Variants in LRRC49 observed in about 807,000 individuals in gnomAD.
LRRC49 encodes leucine-rich repeat-containing protein 49.
Under a neutral mutation model 83.3 loss-of-function variants are expected in LRRC49, and 50 were observed. That is an observed-to-expected ratio of 0.60 (90% CI 0.48 to 0.76). The LOEUF is 0.76. Ranked by LOEUF, LRRC49 falls within the 30% of genes least tolerant of loss-of-function variation. The probability of loss-of-function intolerance (pLI) is 0.00; values close to 1 mark genes in which losing one functional copy is unlikely to be tolerated. For missense variants in LRRC49, 704 were observed against 809.1 expected (o/e 0.87, Z 1.58); for synonymous variants, 286 against 283.3 (o/e 1.01, Z -0.10).
At chr15:71,034,289 G>A (rs1397891064) in intron 14 of LRRC49, among the ~76,000 whole-genome samples, 2 of 151,968 alleles carry the variant, frequency 1.3e-5, no homozygotes, top group African/African-American at 4.8e-5. Flanking sequence ...AAAAAAGGTC[G>A]ACATCACTGA....
intron 15 of LRRC49, among the ~76,000 whole-genome samples, chr15:71,040,838 A>G (rs1184791684): frequency 6.6e-6 from 1 of 151,258 alleles, no homozygotes; most frequent in Admixed American, 6.6e-5. Context: ...AAAAAAAAAA[A>G]AGGATTCAAG....
At chr15:70,873,788 T>G (rs2033099182) in intron 2 of LRRC49, among the ~76,000 whole-genome samples, 1 of 152,224 alleles carries the variant, frequency 6.6e-6, no homozygotes, top group Non-Finnish European at 1.5e-5. Flanking sequence ...TCAGTTTATA[T>G]TACCTTTACT....
chr15:71,012,050 C>G (rs1027783298), intron 13 of LRRC49, among the ~76,000 whole-genome samples: 1 of 152,094 alleles, frequency 6.6e-6, no homozygotes, highest in East Asian at 1.9e-4. Flanking sequence ...CCAGAAATAA[C>G]TAAACATGTC....
At chr15:71,034,991 AT>A in intron 14 of LRRC49, among the ~76,000 whole-genome samples, 1 of 152,282 alleles carries the variant, frequency 6.6e-6, no homozygotes, top group African/African-American at 2.4e-5. Flanking sequence ...ACCATGATAA[AT>A]GTTTCACTGT....
intron 4 of LRRC49, among the ~76,000 whole-genome samples, chr15:70,902,831 A>C (rs548781039): frequency 6.6e-6 from 1 of 152,272 alleles, no homozygotes; most frequent in African/African-American, 2.4e-5. Flanking sequence ...GGATGTAGCA[A>C]CTCAGGAGTT....
chr15:70,959,507 A>C (rs955745909), intron 8 of LRRC49, among the ~76,000 whole-genome samples: 2 of 139,884 alleles, frequency 1.4e-5, no homozygotes, highest in African/African-American at 5.3e-5. Flanking sequence ...GAAAGGAAGG[A>C]AGGAGGGAGG....
intron 5 of LRRC49, among the ~76,000 whole-genome samples, chr15:70,909,566 C>T (rs753134572): frequency 2.6e-5 from 4 of 152,090 alleles, no homozygotes; most frequent in Non-Finnish European, 5.9e-5. Flanking sequence ...CTGGGCTGGG[C>T]GCGGTGGCTC....
chr15:70,868,551 AG>A (rs2032960510), intron 1 of LRRC49, among the ~76,000 whole-genome samples: 1 of 152,222 alleles, frequency 6.6e-6, no homozygotes, highest in African/African-American at 2.4e-5. Context: ...AATCACCCAA[AG>A]GGCTTGTTGA....
At chr15:71,045,478 A>G (rs2039826854) in intron 15 of LRRC49, among the ~76,000 whole-genome samples, 1 of 152,126 alleles carries the variant, frequency 6.6e-6, no homozygotes, top group Non-Finnish European at 1.5e-5. Flanking sequence ...TTCAGCGTGC[A>G]TTTCATTAAT....
At chr15:70,957,497 A>G (rs147951724) in intron 8 of LRRC49, among the ~76,000 whole-genome samples, 12 of 152,256 alleles carry the variant, frequency 7.9e-5, no homozygotes, top group Admixed American at 7.8e-4. Context: ...TTTTTTAATC[A>G]AGGATAAGCC....
intron 11 of LRRC49, among the ~76,000 whole-genome samples, chr15:71,004,249 A>G (rs2038373008): frequency 6.6e-6 from 1 of 152,146 alleles, no homozygotes; most frequent in South Asian, 2.1e-4. Flanking sequence ...ATATTGTTCA[A>G]CCCAGCAATC....
chr15:70,994,077 T>C (rs1029842899), intron 11 of LRRC49, among the ~76,000 whole-genome samples: 1 of 152,088 alleles, frequency 6.6e-6, no homozygotes, highest in African/African-American at 2.4e-5. Flanking sequence ...GAACTCCTGA[T>C]CTCAAGTGAT....
rs2141261588 is a variant in LRRC49 at position 71,008,730 on chromosome 15, T to G, written c.1407+114T>G. The G allele has an allele frequency of 4.3e-6, 3 of 703,556 alleles. No homozygotes were observed. In the South Asian group the frequency reaches 6.4e-5, roughly 15 times the overall value. The allele number at this position is 703,556 out of a possible 1,614,324, so 43.6% of individuals were successfully genotyped here. The stretch of plus-strand genomic sequence containing the variant: ...TGTAGTTTCTATCTGGCAGGAAGAT[T>G]TAAGTTTTGTGTTGATTTTCTTGAG... On this transcript the variant is annotated intron_variant, in intron 12 of 15. Coordinates refer to ENST00000260382, the MANE Select transcript of LRRC49 (RefSeq NM_017691.5).
chr15:71,004,577 G>A (rs2141256015), intron 11 of LRRC49, among the ~76,000 whole-genome samples: 1 of 152,014 alleles, frequency 6.6e-6, no homozygotes, highest in South Asian at 2.1e-4. Context: ...TTGAATCCGG[G>A]AGGCGGAGGT....
upstream of LRRC49, among the ~76,000 whole-genome samples, chr15:70,888,831 A>C (rs1277244623): frequency 3.3e-5 from 5 of 152,218 alleles, no homozygotes; most frequent in African/African-American, 1.2e-4. Context: ...CTACCTAAAT[A>C]TCCAATTAAT....
At chr15:70,967,344 T>C (rs2036828565) in intron 9 of LRRC49, among the ~76,000 whole-genome samples, 1 of 152,086 alleles carries the variant, frequency 6.6e-6, no homozygotes, top group South Asian at 2.1e-4. Context: ...TGGATTTGCC[T>C]ATTAAGAAGA....
At chr15:70,968,221 A>T (rs1420915360) in intron 9 of LRRC49, among the ~76,000 whole-genome samples, 2 of 151,960 alleles carry the variant, frequency 1.3e-5, no homozygotes, top group African/African-American at 2.4e-5. Context: ...CCCATTATGA[A>T]TGAGAACATG....
intron 15 of LRRC49, among the ~76,000 whole-genome samples, chr15:71,037,676 T>G (rs2141299244): frequency 6.6e-6 from 1 of 152,282 alleles, no homozygotes; most frequent in East Asian, 1.9e-4. Context: ...TGTAGGTACT[T>G]AGCCACATCA....
In LRRC49 at chr15:71,031,907, C is replaced by T. The variant is rs577004125; in HGVS notation, c.1704-5272C>T. Among the ~76,000 whole-genome samples the T allele has an allele frequency of 3.3e-5, 5 of 152,272 alleles. No individual in the cohort carries two copies. The South Asian group carries it at 6.2e-4, about 19-fold the overall frequency. The stretch of plus-strand genomic sequence containing the variant: ...TGTGCTGGCAGTGAGAATTTCAAGC[C>T]GGTGGTTCTTAGCTTGCTGGACTCT... On this transcript the variant is annotated intron_variant, in intron 14 of 15. Transcript: ENST00000260382.
Sources: gnomAD v4.1 joint callset for allele counts (sites outside exome capture counted in the v4.1 genomes callset) on GRCh38, gnomAD v4.1.1 for gene constraint, MANE v1.5 for transcripts, NCBI Gene and HGNC (gene_info 2026-07-23, HGNC 2026-07-21) for gene names.